The following OSTN variants were observed in gnomAD, a reference collection of about 807,000 sequenced individuals.
OSTN encodes the protein osteocrin.
OSTN carries 9 observed loss-of-function variants against 12.0 expected under a neutral mutation model. The ratio of observed to expected loss-of-function variants is 0.75; its 90% CI spans 0.45 to 1.30. The LOEUF is 1.30. Among genes scored for constraint, OSTN ranks in the 50% most tolerant of loss-of-function variants. The pLI, the probability that OSTN is intolerant of heterozygous loss-of-function variation, is 0.00. For synonymous variants in OSTN, 59 were observed against 56.9 expected (o/e 1.04, Z -0.16); for missense variants, 148 against 152.3 (o/e 0.97, Z 0.15).
At chr3:191,254,376 G>A (rs1037927266) in intron 4 of OSTN, among the ~76,000 whole-genome samples, 1 of 152,220 alleles carries the variant, frequency 6.6e-6, no homozygotes, top group African/African-American at 2.4e-5. Context: ...GTATCAGCAG[G>A]CGTGAAGGTT....
Position 191,264,618 on chromosome 3 carries a change from A to C in OSTN, c.*1765A>C, listed in dbSNP as rs1304506356. On this transcript the variant is annotated 3_prime_UTR_variant, in exon 5 of 5. Coordinates refer to ENST00000682035, the MANE Select transcript of OSTN (RefSeq NM_198184.2). Reference sequence around the variant, plus strand: ...GTATCCTGGAGGACTCAGGAGTTGAAAGAATTATTTAAGAAGTTGTGATAT... The same window carrying C: ...GTATCCTGGAGGACTCAGGAGTTGACAGAATTATTTAAGAAGTTGTGATAT... 6.6e-6 allele frequency: 1 copy of C among 152,148 alleles called. No individual in the cohort carries two copies. The highest frequency in any genetic ancestry group is 1.5e-5 in the Non-Finnish European group (1 of 67,980). 9.4% of individuals were successfully genotyped at this position (152,148 alleles called of 1,614,324 possible). A position where few individuals can be genotyped will look rare whatever the true frequency, so the allele number is the denominator to read the frequency against.
At chr3:191,240,438 C>T (rs1317429066) in intron 3 of OSTN, among the ~76,000 whole-genome samples, 1 of 152,146 alleles carries the variant, frequency 6.6e-6, no homozygotes, top group Non-Finnish European at 1.5e-5. Flanking sequence ...TAAGTTTTTT[C>T]TAGAACCCCC....
intron 3 of OSTN, among the ~76,000 whole-genome samples, chr3:191,247,897 G>A (rs761582971): frequency 3.3e-5 from 5 of 152,042 alleles, no homozygotes; most frequent in Non-Finnish European, 7.4e-5. Flanking sequence ...GCAGTGGTGC[G>A]ATCTCGGCTC....
intron 3 of OSTN, among the ~76,000 whole-genome samples, chr3:191,227,248 CT>C (rs1253770605): frequency 6.6e-6 from 1 of 152,050 alleles, no homozygotes; most frequent in Non-Finnish European, 1.5e-5. Flanking sequence ...GCATAACATT[CT>C]TGTTATAAGA....
intron 3 of OSTN, among the ~76,000 whole-genome samples, chr3:191,231,420 T>G (rs915486631): frequency 1.6e-4 from 25 of 152,104 alleles, no homozygotes; most frequent in Non-Finnish European, 3.4e-4. Flanking sequence ...GTAACAAGAA[T>G]GTATAGCTTG....
chr3:191,249,845 A>G (rs1715519788), intron 3 of OSTN, among the ~76,000 whole-genome samples, 192 bp from the exon 4 acceptor site: 1 of 152,190 alleles, frequency 6.6e-6, no homozygotes, highest in Non-Finnish European at 1.5e-5. Flanking sequence ...AAATGGAGCT[A>G]ATAATATCTA....
At position 191,225,243 on chromosome 3, in the gene OSTN, C is replaced by T. The variant is rs115743671; in HGVS notation, c.317+6282C>T. Among the ~76,000 whole-genome samples, 1,026 of 152,190 alleles carry T rather than the reference C, an allele frequency of 6.7e-3. 7 individuals are homozygous for T. Among genetic ancestry groups the T allele is most frequent in the African/African-American group, 0.024 (994 of 41,544 alleles). Reference sequence around the variant, plus strand: ...AAAATGAATAAATTGTTAGAAAATACAACTTATAAACATTGGTTCAAATAG... The same window carrying T: ...AAAATGAATAAATTGTTAGAAAATATAACTTATAAACATTGGTTCAAATAG... On this transcript the variant is annotated intron_variant, in intron 3 of 4. Transcript: ENST00000682035.
At chr3:191,204,963 T>C (rs1207439191) in intron 1 of OSTN, among the ~76,000 whole-genome samples, 1 of 152,190 alleles carries the variant, frequency 6.6e-6, no homozygotes, top group Non-Finnish European at 1.5e-5. Flanking sequence ...CATAATATTT[T>C]CAAATTATAG....
chr3:191,246,086 A>G (rs1483052532), intron 3 of OSTN, among the ~76,000 whole-genome samples: 1 of 151,648 alleles, frequency 6.6e-6, no homozygotes, highest in Admixed American at 6.6e-5. Flanking sequence ...AAAAAAAAAA[A>G]AAAAAAGAGT....
intron 1 of OSTN, among the ~76,000 whole-genome samples, chr3:191,204,652 G>A (rs193189617): frequency 8.5e-5 from 13 of 152,344 alleles, no homozygotes; most frequent in African/African-American, 3.1e-4. Context: ...CAGCAGGTAA[G>A]TCTCTCAATC....
chr3:191,224,589 T>C (rs1425776040), intron 3 of OSTN, among the ~76,000 whole-genome samples: 1 of 152,078 alleles, frequency 6.6e-6, no homozygotes, highest in African/African-American at 2.4e-5. Flanking sequence ...AAATTTACCA[T>C]ATCTTAGGTG....
chr3:191,213,894 T>C (rs1046702400), intron 2 of OSTN, among the ~76,000 whole-genome samples: 1 of 152,124 alleles, frequency 6.6e-6, no homozygotes, highest in African/African-American at 2.4e-5. Flanking sequence ...TTTGAAGGTT[T>C]ATCTCCTGTA....
intron 3 of OSTN, among the ~76,000 whole-genome samples, chr3:191,239,094 G>A (rs1280322516): frequency 7.9e-5 from 12 of 152,170 alleles, no homozygotes; most frequent in Non-Finnish European, 1.3e-4. Context: ...GGTTCTCGGC[G>A]TCTTGAACAA....
intron 3 of OSTN, among the ~76,000 whole-genome samples, chr3:191,244,216 G>T (rs1341124843): frequency 1.3e-5 from 2 of 151,970 alleles, no homozygotes; most frequent in African/African-American, 4.8e-5. Context: ...CTTTAGAAAT[G>T]GAGTTATCCA....
At chr3:191,245,003 C>T (rs944643346) in intron 3 of OSTN, among the ~76,000 whole-genome samples, 3 of 152,128 alleles carry the variant, frequency 2.0e-5, no homozygotes, top group African/African-American at 7.2e-5. Flanking sequence ...TCTGGAAGGT[C>T]TGTCAGGGGC....
chr3:191,235,413 G>T (rs1715164330), intron 3 of OSTN, among the ~76,000 whole-genome samples: 1 of 152,134 alleles, frequency 6.6e-6, no homozygotes, highest in Non-Finnish European at 1.5e-5. Context: ...ATCACAGTAG[G>T]CTGCCTTTTG....
chr3:191,255,843 C>A (rs957663059), intron 4 of OSTN, among the ~76,000 whole-genome samples: 1 of 151,766 alleles, frequency 6.6e-6, no homozygotes, highest in South Asian at 2.1e-4. Flanking sequence ...CTTGATGTTG[C>A]GTTAGCAGTT....
chr3:191,235,923 A>G (rs1715177183), intron 3 of OSTN, among the ~76,000 whole-genome samples: 1 of 152,176 alleles, frequency 6.6e-6, no homozygotes, highest in Non-Finnish European at 1.5e-5. Context: ...TTTCATAGAC[A>G]CTATTTTATT....
intron 3 of OSTN, among the ~76,000 whole-genome samples, chr3:191,235,935 G>A (rs1715178036): frequency 1.3e-5 from 2 of 152,096 alleles, no homozygotes; most frequent in East Asian, 1.9e-4. Flanking sequence ...TATTTTATTA[G>A]GTTCACCATG....
Sources: allele counts gnomAD v4.1 joint callset (sites outside exome capture counted in the v4.1 genomes callset), GRCh38; gene constraint gnomAD v4.1.1; transcripts MANE v1.5; gene names NCBI Gene and HGNC (gene_info 2026-07-23, HGNC 2026-07-21).